The following GALNTL6 variants were observed in gnomAD, a reference collection of about 807,000 sequenced individuals.
The protein encoded by GALNTL6 is polypeptide N-acetylgalactosaminyltransferase-like 6.
Under a neutral mutation model 73.7 loss-of-function variants are expected in GALNTL6, and 46 were observed. The ratio of observed to expected loss-of-function variants is 0.62; its 90% confidence interval spans 0.49 to 0.80. GALNTL6 has a LOEUF of 0.80. Ranked by LOEUF, GALNTL6 falls within the 30% of genes least tolerant of loss-of-function variation. GALNTL6 has a pLI of 0.00. For missense variants in GALNTL6, 604 were observed against 755.0 expected, an observed-to-expected ratio of 0.80 and a Z score of 2.34; for synonymous variants, 259 against 263.7, an observed-to-expected ratio of 0.98 and a Z score of 0.17.
chr4:172,818,474 T>C (rs1741732881), intron 7 of GALNTL6, among the ~76,000 whole-genome samples: 1 of 152,216 alleles, frequency 6.6e-6, no homozygotes, highest in Non-Finnish European at 1.5e-5. Context: ...TCACCATCAA[T>C]GGAATTCTTG....
intron 5 of GALNTL6, among the ~76,000 whole-genome samples, chr4:172,381,814 T>C (rs978495621): frequency 6.6e-6 from 1 of 152,176 alleles, no homozygotes; most frequent in African/African-American, 2.4e-5. Context: ...ATTGCTGCAG[T>C]GTATGGTATG....
At chr4:172,716,098 G>A (rs1286224058) in intron 5 of GALNTL6, among the ~76,000 whole-genome samples, 1 of 101,582 alleles carries the variant, frequency 9.8e-6, no homozygotes, top group Non-Finnish European at 2.1e-5. Context: ...GGGACATTTG[G>A]CAAACTCTAG....
chr4:172,218,161 T>C (rs1315056799), intron 2 of GALNTL6, among the ~76,000 whole-genome samples: 1 of 152,126 alleles, frequency 6.6e-6, no homozygotes, highest in East Asian at 1.9e-4. Context: ...CCTTCATAAG[T>C]TTCCTCTCTT....
At chr4:172,060,953 A>G (rs1314029791) in intron 2 of GALNTL6, among the ~76,000 whole-genome samples, 4 of 152,194 alleles carry the variant, frequency 2.6e-5, no homozygotes, top group Non-Finnish European at 5.9e-5. Flanking sequence ...ACAAATGCAG[A>G]TTGCTATGCA....
Position 172,543,681 on chromosome 4 carries a change from CTT to C in GALNTL6, c.553+194995_553+194996del, listed in dbSNP as rs566982754. ...GATGAGGGTAGTTTCAAGGGAGTCTCTTTTCTTCAACAGGGAGAATTAAGTGA... is the reference window on the plus strand; with the variant it reads ...GATGAGGGTAGTTTCAAGGGAGTCTCTTCTTCAACAGGGAGAATTAAGTGA... On this transcript the variant is annotated intron_variant, in intron 5 of 12. Coordinates refer to ENST00000506823, the MANE Select transcript of GALNTL6 (RefSeq NM_001034845.3). Among the ~76,000 whole-genome samples, 704 of 152,322 alleles carry C rather than the reference CTT, an allele frequency of 4.6e-3. 4 individuals carry two copies. The highest frequency in any genetic ancestry group is 0.027 in the Middle Eastern group (8 of 294).
rs886725917 is a variant in GALNTL6, at chr4:172,056,959, A to C, written c.139-172697A>C. Among the ~76,000 whole-genome samples, 5 of 152,278 alleles carry C rather than the reference A, an allele frequency of 3.3e-5. No homozygotes were observed. In the South Asian group the frequency reaches 6.2e-4, roughly 19 times the overall value. ...TATGGTTTTAAAATTAAAATATTTT[A>C]ATGTTACAATATTTTTAATGAAGTA... is the stretch of plus-strand genomic sequence containing the variant. On this transcript the variant is annotated intron_variant, in intron 2 of 12. Coordinates refer to ENST00000506823, the MANE Select transcript of GALNTL6 (RefSeq NM_001034845.3).
chr4:172,087,560 C>T (rs531431672), intron 2 of GALNTL6, among the ~76,000 whole-genome samples: 5 of 151,486 alleles, frequency 3.3e-5, no homozygotes, highest in East Asian at 3.9e-4. Flanking sequence ...CATTGCTAAG[C>T]GAAAGCAAGG....
intron 8 of GALNTL6, among the ~76,000 whole-genome samples, chr4:172,914,761 G>C (rs937877071): frequency 6.6e-6 from 1 of 152,132 alleles, no homozygotes; most frequent in Non-Finnish European, 1.5e-5. Context: ...AGTCCTTAGA[G>C]ACCTACAAAG....
chr4:172,342,761 C>T (rs961454606), intron 4 of GALNTL6, among the ~76,000 whole-genome samples: 5 of 152,154 alleles, frequency 3.3e-5, no homozygotes, highest in Admixed American at 2.0e-4. Flanking sequence ...TGATTGATTT[C>T]GCTAGTGTCA....
chr4:172,658,134 A>T (rs1296725380), intron 5 of GALNTL6, among the ~76,000 whole-genome samples: 1 of 51,154 alleles, frequency 2.0e-5, no homozygotes, highest in Non-Finnish European at 3.5e-5. Context: ...TGGGTGACAG[A>T]GCGAGACTCC....
At chr4:171,981,936 C>T (rs2111080847) in intron 2 of GALNTL6, among the ~76,000 whole-genome samples, 1 of 151,752 alleles carries the variant, frequency 6.6e-6, no homozygotes, top group Non-Finnish European at 1.5e-5. Context: ...CAGATCTATT[C>T]CTGAAAGAGG....
intron 5 of GALNTL6, among the ~76,000 whole-genome samples, chr4:172,754,520 C>T (rs1386021941): frequency 1.3e-5 from 2 of 151,960 alleles, no homozygotes; most frequent in South Asian, 2.1e-4. Context: ...TGCAGTGAGC[C>T]GAGATCGCAC....
At chr4:172,741,024 C>T (rs906704815) in intron 5 of GALNTL6, among the ~76,000 whole-genome samples, 5 of 152,090 alleles carry the variant, frequency 3.3e-5, no homozygotes, top group Non-Finnish European at 5.9e-5. Context: ...GCAAAAATTA[C>T]AGTTGATTTG....
At position 172,342,430 on chromosome 4, in the gene GALNTL6, G is replaced by C. The variant is rs573241071; in HGVS notation, c.387-6093G>C. On this transcript the variant is annotated intron_variant, in intron 4 of 12. Transcript: ENST00000506823. The stretch of plus-strand genomic sequence containing the variant: ...TTTCAGAAAAGCTATAAACTTCTTA[G>C]TTCAGGAACAGTGCCTCATCATTGT... 2.0e-5 allele frequency among the ~76,000 whole-genome samples: 3 copies of C among 152,258 alleles called. No homozygotes were observed. The East Asian group carries it at 5.8e-4, about 29-fold the overall frequency.
intron 5 of GALNTL6, among the ~76,000 whole-genome samples, chr4:172,362,258 A>G (rs1742396331): frequency 6.6e-6 from 1 of 152,180 alleles, no homozygotes; most frequent in Non-Finnish European, 1.5e-5. Flanking sequence ...TTGTACAACT[A>G]GCATTTCAAA....
At chr4:171,913,257 G>A (rs963861446) in intron 2 of GALNTL6, among the ~76,000 whole-genome samples, 5 of 152,186 alleles carry the variant, frequency 3.3e-5, no homozygotes, top group Non-Finnish European at 7.3e-5. Context: ...ATTAATCACA[G>A]CATCTCAGCT....
chr4:172,314,594 C>T (rs1175975652), intron 4 of GALNTL6, among the ~76,000 whole-genome samples: 5 of 136,208 alleles, frequency 3.7e-5, no homozygotes, highest in Non-Finnish European at 6.2e-5. Context: ...AATCCTAATG[C>T]GTAGGCTTTT....
At chr4:172,861,657 G>A (rs1026079573) in intron 7 of GALNTL6, among the ~76,000 whole-genome samples, 1 of 152,132 alleles carries the variant, frequency 6.6e-6, no homozygotes, top group African/African-American at 2.4e-5. Context: ...ACATGTCATG[G>A]GAGGGACCCA....
intron 2 of GALNTL6, among the ~76,000 whole-genome samples, chr4:171,859,245 C>T (rs899910862): frequency 5.3e-5 from 8 of 152,084 alleles, no homozygotes; most frequent in Non-Finnish European, 1.0e-4. Context: ...GGGCCATATT[C>T]GATTATACAG....
Sources: gnomAD v4.1 joint callset for allele counts (sites outside exome capture counted in the v4.1 genomes callset) on GRCh38, gnomAD v4.1.1 for gene constraint, MANE v1.5 for transcripts, NCBI Gene and HGNC (gene_info 2026-07-23, HGNC 2026-07-21) for gene names.